SEZ6L: variants seen among roughly 807,000 people sequenced by gnomAD.
The protein encoded by SEZ6L is seizure related 6 homolog like.
A neutral mutation model predicts 106.2 loss-of-function variants in SEZ6L; 37 were observed. The ratio of observed to expected loss-of-function variants is 0.35; its 90% CI spans 0.27 to 0.46. The LOEUF is 0.46. Ranked by LOEUF, SEZ6L falls within the 20% of genes least tolerant of loss-of-function variation. The pLI, the probability that SEZ6L is intolerant of heterozygous loss-of-function variation, is 1.00. For missense variants in SEZ6L, 1,172 were observed against 1,332.8 expected, an observed-to-expected ratio of 0.88 and a Z score of 1.88; for synonymous variants, 541 against 570.4, an observed-to-expected ratio of 0.95 and a Z score of 0.73.
At chr22:26,272,464 C>T (rs1443492383) in intron 1 of SEZ6L, among the ~76,000 whole-genome samples, 1 of 152,182 alleles carries the variant, frequency 6.6e-6, no homozygotes, top group African/African-American at 2.4e-5. Context: ...CGGTTATCAC[C>T]ACTGGGCCAG....
chr22:26,242,749 T>C (rs1294154534), intron 1 of SEZ6L: 1 of 152,150 alleles, frequency 6.6e-6, no homozygotes, highest in Admixed American at 6.5e-5. Flanking sequence ...TTCTTTTATT[T>C]ACCTAAAAAA....
intron 9 of SEZ6L, among the ~76,000 whole-genome samples, chr22:26,314,735 G>A (rs1001836068): frequency 6.6e-6 from 1 of 152,242 alleles, no homozygotes; most frequent in African/African-American, 2.4e-5. Context: ...CAGGGAAGCA[G>A]CTACTCTGGG....
chr22:26,247,391 C>A (rs1469789421), intron 1 of SEZ6L, among the ~76,000 whole-genome samples: 1 of 152,174 alleles, frequency 6.6e-6, no homozygotes, highest in Non-Finnish European at 1.5e-5. Flanking sequence ...GAAATAAGGT[C>A]TTTGCAGATG....
chr22:26,201,382 CAAAAAAAAAAAA>C (rs71192905), intron 1 of SEZ6L, among the ~76,000 whole-genome samples: 2 of 75,320 alleles, frequency 2.7e-5, no homozygotes, highest in Non-Finnish European at 4.8e-5. Context: ...TACAAAAATA[CAAAAAAAAAAAA>C]AAAAAAAAAA....
At chr22:26,195,326 G>A (rs936491049) in intron 1 of SEZ6L, among the ~76,000 whole-genome samples, 2 of 152,206 alleles carry the variant, frequency 1.3e-5, no homozygotes, top group Non-Finnish European at 2.9e-5. Context: ...GCCCAGCTTG[G>A]AAAGTCAGAG....
At chr22:26,288,802 T>C (rs2081015868) in intron 1 of SEZ6L, among the ~76,000 whole-genome samples, 1 of 152,238 alleles carries the variant, frequency 6.6e-6, no homozygotes, top group Non-Finnish European at 1.5e-5. Context: ...GTCACCTCCT[T>C]GTGTGCAGAT....
At chr22:26,301,440 A>G (rs567220001) in intron 5 of SEZ6L, among the ~76,000 whole-genome samples, 1 of 152,342 alleles carries the variant, frequency 6.6e-6, no homozygotes, top group East Asian at 1.9e-4. Flanking sequence ...GTTTCCAGTC[A>G]AGGTGAGGCT....
Position 26,313,630 on chromosome 22 carries a change from C to T in SEZ6L, c.1877-134C>T, listed in dbSNP as rs1442504261. 1.4e-5 allele frequency: 13 copies of T among 935,924 alleles called. No individual in the cohort carries two copies. The South Asian group carries it at 1.6e-4, about 12-fold the overall frequency. The allele number at this position is 935,924 out of a possible 1,614,324, so 58.0% of individuals were successfully genotyped here. A position where few individuals can be genotyped will look rare whatever the true frequency, so the allele number is the denominator to read the frequency against. ...CACACACACACACGTGCTGGCTGCCCGAGGTGAAGACACCTGTCCACAGTA... is the reference window on the plus strand; with the variant it reads ...CACACACACACACGTGCTGGCTGCCTGAGGTGAAGACACCTGTCCACAGTA... On this transcript the variant is annotated intron_variant, in intron 8 of 16. Transcript: ENST00000248933.
intron 1 of SEZ6L, among the ~76,000 whole-genome samples, chr22:26,230,637 ACTG>A (rs921987153): frequency 5.3e-5 from 8 of 152,196 alleles, no homozygotes; most frequent in African/African-American, 1.9e-4. Flanking sequence ...CAGACTGGAG[ACTG>A]CCTGCAGTCA....
At chr22:26,340,344 C>A (rs2082787959) in intron 9 of SEZ6L, 92 bp from the exon 10 acceptor site, 1 of 1,283,100 alleles carries the variant, frequency 7.8e-7, no homozygotes, top group Non-Finnish European at 1.1e-6. Flanking sequence ...ACACACTTAA[C>A]AAATTTTGTA....
At chr22:26,217,232 A>G (rs1402523403) in intron 1 of SEZ6L, among the ~76,000 whole-genome samples, 1 of 152,146 alleles carries the variant, frequency 6.6e-6, no homozygotes, top group Admixed American at 6.5e-5. Context: ...CCACCACCAT[A>G]GTGACATTTC....
chr22:26,340,630 T>G lies in SEZ6L; in HGVS notation c.2210T>G (p.Ile737Arg), dbSNP rs543696703. 1 of 1,610,190 alleles carries G rather than the reference T, an allele frequency of 6.2e-7. No homozygotes were observed. The highest frequency in any genetic ancestry group is 1.7e-5 in the Admixed American group (1 of 59,324). The change falls in exon 10 of 17, where the codon ATA becomes AGA. Residue 737 changes from isoleucine (I) to arginine (R), a missense_variant and splice_region_variant. By Grantham distance (97) the Ile-to-Arg change is moderately conservative. Around this residue, in one of 4 missense-constraint regions of SEZ6L, gnomAD observed 534 missense variants for 691.0 expected, o/e 0.77. Coordinates refer to ENST00000248933, the MANE Select transcript of SEZ6L (RefSeq NM_021115.5). ...GGCCAGGGATTTATCATGAACTACA[T>G]AGGTAGGTGTCTCATCTGGTCAATT... ...GKGQGFIMNY[I>R]EVSRNDSCSD...
chr22:26,332,172 C>G (rs1160591069), intron 9 of SEZ6L, among the ~76,000 whole-genome samples: 2 of 116,834 alleles, frequency 1.7e-5, no homozygotes. Context: ...TTTTTTGAGA[C>G]AGGGTCTCGC....
chr22:26,340,606 G>A lies in SEZ6L; in HGVS notation c.2186G>A (p.Gly729Asp), dbSNP rs1311061349. 6.2e-7 allele frequency: 1 copy of A among 1,613,674 alleles called. No individual in the cohort carries two copies. Among genetic ancestry groups the A allele is most frequent in the Non-Finnish European group, 8.5e-7 (1 of 1,179,918 alleles). Reference sequence around the variant, plus strand: ...CCTGCTGGCCTCATCTTTGGAAAGGGCCAGGGATTTATCATGAACTACATA... The same window carrying A: ...CCTGCTGGCCTCATCTTTGGAAAGGACCAGGGATTTATCATGAACTACATA... ...SDPAGLIFGKGQGFIMNYIEV... is the reference protein window; with the variant it reads ...SDPAGLIFGKDQGFIMNYIEV... The change falls in exon 10 of 17, where the codon GGC becomes GAC. Residue 729 changes from glycine to aspartate, a missense_variant. Gly to Asp is a moderately conservative substitution (Grantham distance 94). Coordinates refer to ENST00000248933, the MANE Select transcript of SEZ6L (RefSeq NM_021115.5).
At chr22:26,188,045 T>G (rs192867125) in intron 1 of SEZ6L, among the ~76,000 whole-genome samples, 1 of 152,266 alleles carries the variant, frequency 6.6e-6, no homozygotes, top group Non-Finnish European at 1.5e-5. Flanking sequence ...TAACTTGGAC[T>G]CAAAATGTAT....
intron 1 of SEZ6L, among the ~76,000 whole-genome samples, chr22:26,288,273 G>A (rs143870239): frequency 3.3e-5 from 5 of 152,282 alleles, no homozygotes; most frequent in East Asian, 1.9e-4. Context: ...GTGGGTTCAC[G>A]TGTTCCCAAA....
At chr22:26,194,618 T>C (rs1471093648) in intron 1 of SEZ6L, among the ~76,000 whole-genome samples, 1 of 152,056 alleles carries the variant, frequency 6.6e-6, no homozygotes, top group Non-Finnish European at 1.5e-5. Context: ...TAGAAAAGAG[T>C]TGAGGGATCA....
rs1253259902 is a variant in SEZ6L at position 26,375,653 on chromosome 22, C to T, written c.2906C>T (p.Ser969Phe). The change falls in exon 15 of 17, where the codon TCC (serine) becomes TTC (phenylalanine). Residue 969 changes from serine (S) to phenylalanine (F), a missense_variant. Ser to Phe is a radical substitution (Grantham distance 155). This residue lies in a region of SEZ6L where 141 missense variants were observed against 176.0 expected (regional missense o/e 0.80). Coordinates refer to ENST00000248933, the MANE Select transcript of SEZ6L (RefSeq NM_021115.5). ...LAIFIPVLII[S>F]LLLGGAYIYI... is the part of the protein sequence containing the mutation. The stretch of plus-strand genomic sequence containing the variant: ...ATCTTCATCCCGGTCCTCATCATCT[C>T]CTTACTGCTGGGAGGAGCCTACATT... The T allele has an allele frequency of 6.2e-7, 1 of 1,614,024 alleles. No homozygotes were observed. The highest frequency in any genetic ancestry group is 8.5e-7 in the Non-Finnish European group (1 of 1,180,024).
At chr22:26,290,213 A>T (rs2081064365) in intron 1 of SEZ6L, among the ~76,000 whole-genome samples, 1 of 152,232 alleles carries the variant, frequency 6.6e-6, no homozygotes, top group Middle Eastern at 3.2e-3. Context: ...TCTGCCAGAC[A>T]GCTGCCTGGG....
Sources: gnomAD v4.1 joint callset for allele counts (sites outside exome capture counted in the v4.1 genomes callset) on GRCh38, gnomAD v4.1.1 for gene constraint, gnomAD v4.1.1 regional missense constraint, MANE v1.5 for transcripts, NCBI Gene and HGNC (gene_info 2026-07-23, HGNC 2026-07-21) for gene names.